Variants in PDSS2 observed in about 807,000 individuals in gnomAD.
PDSS2 encodes decaprenyl diphosphate synthase subunit 2, also known as all trans-polyprenyl-diphosphate synthase PDSS2.
In PDSS2, 31 loss-of-function variants were observed where a neutral mutation model predicts 44.5. The ratio of observed to expected loss-of-function variants is 0.70; its 90% CI spans 0.52 to 0.94. The LOEUF (loss-of-function observed/expected upper bound fraction) is 0.94. PDSS2 is among the 40% of genes least tolerant of loss of function. The pLI is 0.00. For synonymous variants in PDSS2, 157 were observed against 180.3 expected, an observed-to-expected ratio of 0.87 and a Z score of 1.03; for missense variants, 452 against 482.2, an observed-to-expected ratio of 0.94 and a Z score of 0.59.
At chr6:107,163,740 T>A (rs1033412578) in intron 7 of PDSS2, among the ~76,000 whole-genome samples, 26 of 151,910 alleles carry the variant, frequency 1.7e-4, no homozygotes, top group African/African-American at 6.0e-4. Context: ...GTAGGTGGGA[T>A]TACAGGTGCA....
At chr6:107,320,530 G>A (rs1777348155) in intron 2 of PDSS2, among the ~76,000 whole-genome samples, 1 of 152,108 alleles carries the variant, frequency 6.6e-6, no homozygotes, top group Non-Finnish European at 1.5e-5. Context: ...CCATTAGACA[G>A]AATATCTGCT....
At chr6:107,402,906 G>A (rs1481618601) in intron 1 of PDSS2, among the ~76,000 whole-genome samples, 5 of 152,018 alleles carry the variant, frequency 3.3e-5, no homozygotes, top group African/African-American at 4.8e-5. Flanking sequence ...TTTGGGTAGA[G>A]ACATAGCCAA....
At chr6:107,397,554 G>A (rs1300070796) in intron 1 of PDSS2, among the ~76,000 whole-genome samples, 2 of 152,120 alleles carry the variant, frequency 1.3e-5, no homozygotes, top group Non-Finnish European at 2.9e-5. Context: ...CTTGTCTCAA[G>A]GAAAAGAGCT....
chr6:107,322,752 C>T (rs1241888238), intron 2 of PDSS2, among the ~76,000 whole-genome samples: 1 of 151,556 alleles, frequency 6.6e-6, no homozygotes, highest in Non-Finnish European at 1.5e-5. Context: ...GAGCCCGGGA[C>T]ATTGAGGCTG....
At chr6:107,382,122 T>C (rs1449725534) in intron 1 of PDSS2, among the ~76,000 whole-genome samples, 1 of 152,238 alleles carries the variant, frequency 6.6e-6, no homozygotes, top group East Asian at 1.9e-4. Flanking sequence ...ATTTACTGTG[T>C]TTTCTCCAAC....
At chr6:107,296,861 G>C (rs375350518) in intron 2 of PDSS2, among the ~76,000 whole-genome samples, 67 of 152,120 alleles carry the variant, frequency 4.4e-4, no homozygotes, top group African/African-American at 1.6e-3. Context: ...AAGAATGCCT[G>C]GTTTAAAAAA....
At chr6:107,208,929 T>C (rs1773104926) in intron 6 of PDSS2, among the ~76,000 whole-genome samples, 1 of 152,082 alleles carries the variant, frequency 6.6e-6, no homozygotes, top group Non-Finnish European at 1.5e-5. Flanking sequence ...TTTTTTCTTT[T>C]TTTAAAAAAT....
At chr6:107,333,092 A>T (rs115386549) in intron 2 of PDSS2, among the ~76,000 whole-genome samples, 2,539 of 151,556 alleles carry the variant, frequency 0.017, 70 homozygotes, top group African/African-American at 0.058. Flanking sequence ...AATAAAATTT[A>T]AAAAAAATAG....
At chr6:107,190,058 T>G (rs1371721125) in intron 7 of PDSS2, among the ~76,000 whole-genome samples, 3 of 151,242 alleles carry the variant, frequency 2.0e-5, no homozygotes, top group Non-Finnish European at 4.4e-5. Flanking sequence ...CACTCCAGCC[T>G]GAGTGACAGA....
chr6:107,346,773 T>C (rs1003772929), intron 1 of PDSS2, among the ~76,000 whole-genome samples: 2 of 152,222 alleles, frequency 1.3e-5, no homozygotes, highest in African/African-American at 4.8e-5. Flanking sequence ...TAAATTAGAA[T>C]TAGAGTTTTA....
chr6:107,197,323 C>T (rs1772598167), intron 6 of PDSS2, among the ~76,000 whole-genome samples: 1 of 151,358 alleles, frequency 6.6e-6, no homozygotes, highest in African/African-American at 2.4e-5. Context: ...CCAGGTAGAT[C>T]GTGTCAAAAT....
intron 2 of PDSS2, among the ~76,000 whole-genome samples, chr6:107,285,968 C>G (rs896125830): frequency 6.6e-6 from 1 of 151,756 alleles, no homozygotes; most frequent in African/African-American, 2.4e-5. Flanking sequence ...GGCAAAACCC[C>G]GTCCCTACTA....
intron 1 of PDSS2, among the ~76,000 whole-genome samples, chr6:107,356,604 A>T (rs1331830393): frequency 6.6e-6 from 1 of 152,208 alleles, no homozygotes; most frequent in Non-Finnish European, 1.5e-5. Context: ...ATTTGACTAC[A>T]TGTCTATCTG....
rs1771786592 is a variant in PDSS2 at position 107,176,396 on chromosome 6, G to A, written c.1041+17426C>T. 4.1e-5 allele frequency among the ~76,000 whole-genome samples: 6 copies of A among 146,160 alleles called. No homozygotes were observed. The South Asian group carries it at 1.3e-3, about 32-fold the overall frequency. On this transcript the variant is annotated intron_variant, in intron 7 of 7. Coordinates refer to ENST00000369037, the MANE Select transcript of PDSS2 (RefSeq NM_020381.4). Reference sequence around the variant, plus strand: ...CCAAATCATATTGACTATTTAAAATGTATTCTATTCCCCCTTAACACACAC... The same window carrying A: ...CCAAATCATATTGACTATTTAAAATATATTCTATTCCCCCTTAACACACAC...
chr6:107,342,405 A>G (rs1382896900), intron 1 of PDSS2, among the ~76,000 whole-genome samples: 1 of 152,200 alleles, frequency 6.6e-6, no homozygotes, highest in Non-Finnish European at 1.5e-5. Flanking sequence ...GTTCTTTGAA[A>G]GTGACAGGCA....
chr6:107,207,948 T>G (rs1411373951), intron 6 of PDSS2, among the ~76,000 whole-genome samples: 4 of 150,234 alleles, frequency 2.7e-5, no homozygotes, highest in Non-Finnish European at 5.9e-5. Context: ...TTTTCTTACC[T>G]CTGTTTTTAG....
intron 1 of PDSS2, among the ~76,000 whole-genome samples, chr6:107,353,875 T>C (rs1778507365): frequency 6.6e-6 from 1 of 152,190 alleles, no homozygotes; most frequent in Admixed American, 6.5e-5. Context: ...CTTATGATTT[T>C]AAAAGGTTGG....
intron 7 of PDSS2, among the ~76,000 whole-genome samples, chr6:107,177,069 A>C (rs538363538): frequency 4.6e-5 from 7 of 151,716 alleles, no homozygotes; most frequent in African/African-American, 1.5e-4. Context: ...AAATGGACGA[A>C]GTAATTCTTT....
chr6:107,422,157 T>C (rs1780847145), intron 1 of PDSS2, among the ~76,000 whole-genome samples: 1 of 146,490 alleles, frequency 6.8e-6, no homozygotes, highest in African/African-American at 2.5e-5. Context: ...TCTATGTCAA[T>C]AGGAGATAGT....
Sources: gnomAD v4.1 joint callset for allele counts (sites outside exome capture counted in the v4.1 genomes callset) on GRCh38, gnomAD v4.1.1 for gene constraint, MANE v1.5 for transcripts, NCBI Gene and HGNC (gene_info 2026-07-23, HGNC 2026-07-21) for gene names.